Variants in PPP1R12A observed in about 807,000 individuals in gnomAD.
PPP1R12A encodes the protein protein phosphatase 1 regulatory subunit 12A, also known as myosin binding subunit.
A neutral mutation model predicts 139.6 loss-of-function variants in PPP1R12A; 19 were observed. The observed-to-expected ratio is 0.14, with a 90% CI of 0.09 to 0.20. The LOEUF is 0.20. Ranked by LOEUF, PPP1R12A falls within the 10% of genes least tolerant of loss-of-function variation. The pLI is 1.00. For synonymous variants in PPP1R12A, 427 were observed against 420.6 expected (o/e 1.02, Z -0.19); for missense variants, 925 against 1,211.5 (o/e 0.76, Z 3.51).
At position 79,817,426 on chromosome 12, in the gene PPP1R12A, C is replaced by G; in HGVS notation, c.1207G>C (p.Gly403Arg). 6.2e-7 allele frequency: 1 copy of G among 1,612,034 alleles called. No homozygotes were observed. Among genetic ancestry groups the G allele is most frequent in the East Asian group, 2.2e-5 (1 of 44,714 alleles). ...VAVTTPTVSS[G>R]QATPTSPIKK... ...ATAGGTGATGTAGGTGTTGCTTGAC[C>G]TGATGACACAGTAGGTGTTGTAACA... Residue 403 changes from glycine to arginine, a missense_variant, in exon 9 of 25, where the codon GGT becomes CGT. By Grantham distance (125) the Gly-to-Arg change is moderately radical. This residue lies in a region of PPP1R12A where 403 missense variants were observed against 463.7 expected (regional missense o/e 0.87). Transcript: ENST00000450142.
intron 5 of PPP1R12A, among the ~76,000 whole-genome samples, chr12:79,822,762 T>C (rs934703975): frequency 7.2e-5 from 11 of 152,048 alleles, no homozygotes; most frequent in East Asian, 1.9e-4. Flanking sequence ...TAATATTCCA[T>C]TGCATGATAT....
intron 1 of PPP1R12A, among the ~76,000 whole-genome samples, chr12:79,909,813 T>TTGTTGA (rs1565811643): frequency 6.6e-6 from 1 of 151,994 alleles, no homozygotes; most frequent in Non-Finnish European, 1.5e-5. Context: ...GTTGTTGTTG[T>TTGTTGA]TGACGATGTT....
At chr12:79,917,518 T>C (rs1276182993) in intron 1 of PPP1R12A, among the ~76,000 whole-genome samples, 1 of 146,792 alleles carries the variant, frequency 6.8e-6, no homozygotes, top group Non-Finnish European at 1.5e-5. Context: ...GTTTAATATA[T>C]AACAATTATG....
At chr12:79,897,137 G>A (rs1346629039) in intron 1 of PPP1R12A, among the ~76,000 whole-genome samples, 1 of 152,148 alleles carries the variant, frequency 6.6e-6, no homozygotes, top group Non-Finnish European at 1.5e-5. Context: ...CAACCTAGGT[G>A]CCCATTAATG....
At chr12:79,822,394 TA>T (rs1876228392) in intron 5 of PPP1R12A, among the ~76,000 whole-genome samples, 1 of 152,216 alleles carries the variant, frequency 6.6e-6, no homozygotes, top group Non-Finnish European at 1.5e-5. Context: ...TATCTCCCCT[TA>T]TTTTTTTGGT....
At chr12:79,780,253 A>G (rs571296887) in intron 23 of PPP1R12A, 13 of 152,108 alleles carry the variant, frequency 8.5e-5, no homozygotes, top group African/African-American at 3.1e-4. Context: ...GAAAAAAAAT[A>G]TGGTTTAGAG....
At chr12:79,779,886 T>C (rs1212835886) in intron 23 of PPP1R12A, 2 of 156,066 alleles carry the variant, frequency 1.3e-5, no homozygotes, top group East Asian at 1.8e-4. Flanking sequence ...AAATTTCTTA[T>C]GTTTGACAAA....
chr12:79,842,558 A>C (rs1565772408), intron 3 of PPP1R12A, among the ~76,000 whole-genome samples: 1 of 148,488 alleles, frequency 6.7e-6, no homozygotes, highest in Non-Finnish European at 1.5e-5. Context: ...ACTATAACAA[A>C]AATCACATGT....
intron 3 of PPP1R12A, among the ~76,000 whole-genome samples, chr12:79,838,547 G>A (rs1316935151): frequency 1.3e-5 from 2 of 152,220 alleles, no homozygotes; most frequent in Non-Finnish European, 2.9e-5. Flanking sequence ...GGGAAAAATG[G>A]TTTCATGGGC....
At chr12:79,910,316 C>T (rs1292781420) in intron 1 of PPP1R12A, among the ~76,000 whole-genome samples, 2 of 151,812 alleles carry the variant, frequency 1.3e-5, no homozygotes, top group African/African-American at 2.4e-5. Flanking sequence ...CTTGTCTCCA[C>T]TAAAAATACA....
chr12:79,910,053 A>G (rs1886441905), intron 1 of PPP1R12A, among the ~76,000 whole-genome samples: 1 of 152,148 alleles, frequency 6.6e-6, no homozygotes, highest in South Asian at 2.1e-4. Flanking sequence ...TAAACTGACA[A>G]CAAATAACAT....
chr12:79,777,252 G>C lies in PPP1R12A; in HGVS notation c.3007-1237C>G, dbSNP rs17005900. 2.0e-3 allele frequency: 1,900 copies of C among 960,388 alleles called. 33 individuals are homozygous for C. The African/African-American group carries it at 0.03, about 15-fold the overall frequency. 59.5% of individuals were successfully genotyped at this position (960,388 alleles called of 1,614,324 possible). ...TTTTAAGTCCTAAAATATCTGTATA[G>C]CTAAAAAATGTGCAAAAGCTTTACA... On this transcript the variant is annotated intron_variant, in intron 24 of 24. Transcript: ENST00000450142.
rs1873729231 is a variant in PPP1R12A at position 79,805,609 on chromosome 12, C to G, written c.1983G>C (p.Glu661Asp). The G allele has an allele frequency of 2.5e-6, 4 of 1,613,700 alleles. No individual in the cohort carries two copies. The highest frequency in any genetic ancestry group is 2.5e-6 in the Non-Finnish European group (3 of 1,179,742). ...TTAGTVSSTT[E>D]VRERRRSYLT... The stretch of plus-strand genomic sequence containing the variant: ...TTACACACCTGCGTCTCTCCCTGAC[C>G]TCTGTTGTGGAGGAGACAGTGCCAG... Residue 661 changes from glutamate to aspartate, a missense_variant, in exon 14 of 25, where the codon GAG becomes GAC. This residue lies in a region of PPP1R12A where 403 missense variants were observed against 463.7 expected (regional missense o/e 0.87). Coordinates refer to ENST00000450142, the MANE Select transcript of PPP1R12A (RefSeq NM_002480.3).
intron 1 of PPP1R12A, among the ~76,000 whole-genome samples, chr12:79,890,951 ACTCTCT>A (rs150343086): frequency 2.4e-5 from 3 of 122,538 alleles, no homozygotes; most frequent in Middle Eastern, 4.5e-3. Flanking sequence ...ACATTCACTC[ACTCTCT>A]CTCTCTCTTT....
rs371589074 is a variant in PPP1R12A, at chr12:79,833,846, G to GAAAAAAA, written c.488-1362_488-1356dup. 1.7e-4 allele frequency among the ~76,000 whole-genome samples: 20 copies of GAAAAAAA among 116,728 alleles called. 4 individuals are homozygous for GAAAAAAA. Among genetic ancestry groups the GAAAAAAA allele is most frequent in the Non-Finnish European group, 1.8e-4 (11 of 60,572 alleles). 76.6% of individuals were successfully genotyped at this position (116,728 alleles called of 152,430 possible). A position where few individuals can be genotyped will look rare whatever the true frequency, so the allele number is the denominator to read the frequency against. On this transcript the variant is annotated intron_variant, in intron 3 of 24. Transcript: ENST00000450142. ...AGTGAGACTTTGCCTCAAAGAAAAG[G>GAAAAAAA]AAAAAAAAAAAAAAAAAGCAAAGTA... is the stretch of plus-strand genomic sequence containing the variant.
Position 79,806,345 on chromosome 12 carries a change from A to T in PPP1R12A, c.1656-12T>A. On this transcript the variant is annotated splice_polypyrimidine_tract_variant and intron_variant, in intron 12 of 24. Coordinates refer to ENST00000450142, the MANE Select transcript of PPP1R12A (RefSeq NM_002480.3). ...TACCAAAGGAGCAACTAAACAAAAGAGTCATATCTATATAGGATGTGTTTG... is the reference window on the plus strand; with the variant it reads ...TACCAAAGGAGCAACTAAACAAAAGTGTCATATCTATATAGGATGTGTTTG... 3 of 1,607,414 alleles carry T rather than the reference A, an allele frequency of 1.9e-6. No individual in the cohort carries two copies. The highest frequency in any genetic ancestry group is 2.6e-6 in the Non-Finnish European group (3 of 1,174,222).
intron 1 of PPP1R12A, among the ~76,000 whole-genome samples, chr12:79,884,063 T>C (rs898242689): frequency 1.3e-5 from 2 of 152,080 alleles, no homozygotes; most frequent in Admixed American, 6.5e-5. Flanking sequence ...GAAAAACAGG[T>C]CTGGTATATA....
chr12:79,932,747 A>T (rs774030489), intron 1 of PPP1R12A, among the ~76,000 whole-genome samples: 1 of 152,202 alleles, frequency 6.6e-6, no homozygotes, highest in Non-Finnish European at 1.5e-5. Flanking sequence ...AGAAAAAAAG[A>T]TCTTAAGAAG....
intron 19 of PPP1R12A, among the ~76,000 whole-genome samples, chr12:79,791,463 A>C (rs1049681196): frequency 3.9e-5 from 6 of 152,100 alleles, no homozygotes; most frequent in Admixed American, 1.3e-4. Context: ...GTTAGCTGGG[A>C]CTACAGGCAT....
Sources: allele counts gnomAD v4.1 joint callset (sites outside exome capture counted in the v4.1 genomes callset), GRCh38; gene constraint gnomAD v4.1.1; regional missense constraint gnomAD v4.1.1; transcripts MANE v1.5; gene names NCBI Gene and HGNC (gene_info 2026-07-23, HGNC 2026-07-21).